HS6ST2: variants seen among roughly 807,000 people sequenced by gnomAD.
The protein encoded by HS6ST2 is heparan-sulfate 6-O-sulfotransferase 2.
Under a neutral mutation model 33.0 loss-of-function variants are expected in HS6ST2, and 17 were observed. The observed-to-expected ratio is 0.52, with a 90% CI of 0.35 to 0.77. HS6ST2 has a LOEUF of 0.77. HS6ST2 is among the 30% of genes least tolerant of loss of function. The probability of loss-of-function intolerance (pLI) is 0.01; values close to 1 mark genes in which losing one functional copy is unlikely to be tolerated. For missense variants in HS6ST2, 519 were observed against 551.7 expected, an observed-to-expected ratio of 0.94 and a Z score of 0.59; for synonymous variants, 248 against 237.1, an observed-to-expected ratio of 1.05 and a Z score of -0.42.
intron 2 of HS6ST2, among the ~76,000 whole-genome samples, chrX:132,932,931 T>C (rs1015949118): frequency 9.4e-6 from 1 of 106,513 alleles, no homozygotes; most frequent in Admixed American, 1.0e-4. Flanking sequence ...TATTTTTCTA[T>C]ATATATTTTC....
At chrX:132,941,810 T>A (rs1602908890) in intron 2 of HS6ST2, among the ~76,000 whole-genome samples, 1 of 111,671 alleles carries the variant, frequency 9.0e-6, no homozygotes, top group African/African-American at 3.2e-5. Flanking sequence ...CTTTTTTTTT[T>A]ATTTGCTTAA....
intron 2 of HS6ST2, among the ~76,000 whole-genome samples, chrX:132,759,397 T>C (rs1020924857): frequency 1.8e-5 from 2 of 111,614 alleles, no homozygotes; most frequent in Non-Finnish European, 3.8e-5. Flanking sequence ...TTTAGGAATA[T>C]GTTTCTGATT....
In HS6ST2 at chrX:132,844,681, C is replaced by T. The variant is rs187076998; in HGVS notation, c.947+112127G>A. On this transcript the variant is annotated intron_variant, in intron 2 of 4. Coordinates refer to ENST00000370833, the MANE Select transcript of HS6ST2 (RefSeq NM_001394073.1). ...CCACAGGGACTCCTATAAGTGGAAT[C>T]AACACCCACGGACCTGATGCTGATG... is the stretch of plus-strand genomic sequence containing the variant. Among the ~76,000 whole-genome samples the T allele has an allele frequency of 2.7e-5, 3 of 111,409 alleles. No individual in the cohort carries two copies. In the Admixed American group the frequency reaches 2.9e-4, roughly 11 times the overall value.
intron 3 of HS6ST2, among the ~76,000 whole-genome samples, chrX:132,707,826 C>T (rs961967761): frequency 1.3e-4 from 14 of 111,421 alleles, no homozygotes; most frequent in Non-Finnish European, 1.9e-4. Context: ...TTGTTGCCTG[C>T]AGGGGCATCA....
At chrX:132,884,588 G>A (rs7065607) in intron 2 of HS6ST2, among the ~76,000 whole-genome samples, 26,082 of 111,384 alleles carry the variant, frequency 0.23, 2,749 homozygotes, top group Non-Finnish European at 0.33. Context: ...GTCTAATCTG[G>A]GGCATAGAGA....
At chrX:132,839,456 T>A (rs917284110) in intron 2 of HS6ST2, among the ~76,000 whole-genome samples, 3 of 103,251 alleles carry the variant, frequency 2.9e-5, no homozygotes, top group Non-Finnish European at 6.0e-5. Flanking sequence ...AACAGTCAAA[T>A]ACCTAGCGTT....
intron 3 of HS6ST2, among the ~76,000 whole-genome samples, chrX:132,687,880 T>A (rs769347971): frequency 9.0e-6 from 1 of 111,110 alleles, no homozygotes; most frequent in Admixed American, 9.6e-5. Context: ...TCCCCAGTAG[T>A]TGGGATTACA....
intron 2 of HS6ST2, among the ~76,000 whole-genome samples, chrX:132,860,071 T>C (rs920977921): frequency 1.8e-5 from 2 of 111,778 alleles, no homozygotes; most frequent in African/African-American, 6.5e-5. Context: ...ACCATATTTA[T>C]TGAAACAGTA....
At chrX:132,830,894 G>C in intron 2 of HS6ST2, among the ~76,000 whole-genome samples, 1 of 111,772 alleles carries the variant, frequency 8.9e-6, no homozygotes, top group East Asian at 2.8e-4. Flanking sequence ...TTTACCGCCA[G>C]TGAATACATA....
intron 2 of HS6ST2, among the ~76,000 whole-genome samples, chrX:132,789,509 T>G (rs1430599237): frequency 3.6e-5 from 4 of 112,071 alleles, no homozygotes; most frequent in Admixed American, 1.9e-4. Flanking sequence ...TTTTCATGCC[T>G]GCTAACACAA....
intron 2 of HS6ST2, among the ~76,000 whole-genome samples, chrX:132,881,886 C>T (rs1415130499): frequency 2.0e-4 from 22 of 111,699 alleles, no homozygotes; most frequent in Non-Finnish European, 3.4e-4. Context: ...TAGGGAATCC[C>T]TTCCCCATTT....
rs374128505 is a variant in HS6ST2 at position 132,628,318 on chromosome X, G to C, written c.1843C>G (p.Arg615Gly). 1.7e-6 allele frequency: 2 copies of C among 1,167,944 alleles called. No individual in the cohort carries two copies. The highest frequency in any genetic ancestry group is 5.2e-5 in the Admixed American group (2 of 38,737). ...CCTGAGTTCTGCTTCGGGCTTTCCCGGTTCTCCTTCTGGCTCAAACTCTGA... is the reference window on the plus strand; with the variant it reads ...CCTGAGTTCTGCTTCGGGCTTTCCCCGTTCTCCTTCTGGCTCAAACTCTGA... The part of the protein sequence containing the change: ...LTQSLSQKEN[R>G]ESPKQNSGKE... The change falls in exon 5 of 5, where the codon CGG (arginine) becomes GGG (glycine). Residue 615 changes from arginine to glycine, a missense_variant. By Grantham distance (125) the Arg-to-Gly change is moderately radical. Coordinates refer to ENST00000370833, the MANE Select transcript of HS6ST2 (RefSeq NM_001394073.1).
At chrX:132,900,446 TG>T (rs2066416526) in intron 2 of HS6ST2, among the ~76,000 whole-genome samples, 1 of 111,589 alleles carries the variant, frequency 9.0e-6, no homozygotes, top group African/African-American at 3.3e-5. Context: ...CCAGATATAG[TG>T]GCTCATGCCT....
intron 2 of HS6ST2, among the ~76,000 whole-genome samples, chrX:132,787,582 G>A (rs996594629): frequency 4.0e-5 from 4 of 101,034 alleles, no homozygotes; most frequent in Non-Finnish European, 8.0e-5. Flanking sequence ...GTGAGCCACC[G>A]TGCCTGGCCT....
chrX:132,829,533 TA>T (rs1400898647), intron 2 of HS6ST2, among the ~76,000 whole-genome samples: 1 of 110,148 alleles, frequency 9.1e-6, no homozygotes, highest in Non-Finnish European at 1.9e-5. Flanking sequence ...TTATACTCAT[TA>T]AAAAAATTTA....
chrX:132,731,505 C>T (rs1341571309), intron 2 of HS6ST2, among the ~76,000 whole-genome samples: 3 of 111,589 alleles, frequency 2.7e-5, no homozygotes, highest in Admixed American at 9.5e-5. Flanking sequence ...TTATCATAGA[C>T]GGTATTTCAT....
chrX:132,760,727 G>A (rs759483712), intron 2 of HS6ST2, among the ~76,000 whole-genome samples: 1 of 111,188 alleles, frequency 9.0e-6, no homozygotes, highest in Non-Finnish European at 1.9e-5. Flanking sequence ...GTTCAGTGGA[G>A]GGGGCAGGGC....
intron 2 of HS6ST2, among the ~76,000 whole-genome samples, chrX:132,942,707 T>C (rs754259007): frequency 9.5e-4 from 106 of 112,122 alleles, no homozygotes; most frequent in Non-Finnish European, 1.7e-3. Flanking sequence ...CCTGAACTCA[T>C]TTATATTACC....
At chrX:132,906,854 A>G (rs1412895779) in intron 2 of HS6ST2, among the ~76,000 whole-genome samples, 1 of 111,290 alleles carries the variant, frequency 9.0e-6, no homozygotes, top group Non-Finnish European at 1.9e-5. Flanking sequence ...TAATAGACAC[A>G]GGGTTTTACC....
Sources: allele counts gnomAD v4.1 joint callset (sites outside exome capture counted in the v4.1 genomes callset), GRCh38; gene constraint gnomAD v4.1.1; transcripts MANE v1.5; gene names NCBI Gene and HGNC (gene_info 2026-07-23, HGNC 2026-07-21).